Variants in PRR27 observed in about 807,000 individuals in gnomAD.
PRR27 encodes the protein proline-rich protein 27.
Under a neutral mutation model 16.8 loss-of-function variants are expected in PRR27, and 12 were observed. The ratio of observed to expected loss-of-function variants is 0.71; its 90% confidence interval spans 0.46 to 1.16. The LOEUF (loss-of-function observed/expected upper bound fraction) is 1.16. Among genes scored for constraint, PRR27 ranks in the 50% most tolerant of loss-of-function variants. PRR27 has a pLI of 0.00. For synonymous variants in PRR27, 100 were observed against 98.4 expected, an observed-to-expected ratio of 1.02 and a Z score of -0.10; for missense variants, 277 against 273.3, an observed-to-expected ratio of 1.01 and a Z score of -0.10.
At chr4:70,160,787 T>A (rs1051239334) in intron 3 of PRR27, among the ~76,000 whole-genome samples, 71 of 151,610 alleles carry the variant, frequency 4.7e-4, no homozygotes, top group African/African-American at 1.7e-3. Flanking sequence ...TAAATTTTAG[T>A]AGATATGACC....
chr4:70,156,410 C>T (rs933186555), intron 2 of PRR27, among the ~76,000 whole-genome samples: 5 of 152,136 alleles, frequency 3.3e-5, no homozygotes, highest in African/African-American at 1.2e-4. Context: ...TTTGAACAAA[C>T]TTAGTGATGA....
Position 70,165,464 on chromosome 4 carries a change from T to C in PRR27, c.*2803T>C, listed in dbSNP as rs1170836788. The C allele has an allele frequency of 1.3e-5, 2 of 152,114 alleles. No homozygotes were observed. Among genetic ancestry groups the C allele is most frequent in the African/African-American group, 4.8e-5 (2 of 41,448 alleles). 9.4% of individuals were successfully genotyped at this position (152,114 alleles called of 1,614,324 possible). On this transcript the variant is annotated 3_prime_UTR_variant, in exon 5 of 5. Transcript: ENST00000344526. ...ATGTCGCTTTATGAATCCACCTTCTTCCTTATCTGTAGAGTTAAAAACTAC... is the reference window on the plus strand; with the variant it reads ...ATGTCGCTTTATGAATCCACCTTCTCCCTTATCTGTAGAGTTAAAAACTAC...
rs1728734530 is a variant in PRR27 at position 70,164,993 on chromosome 4, A to T, written c.*2332A>T. ...ATACTGTGAAATGTTCTGCTCTGTC[A>T]GTTGTGAAAGTATGAAATTTAAGTC... On this transcript the variant is annotated 3_prime_UTR_variant, in exon 5 of 5. Transcript: ENST00000344526. 6.6e-6 allele frequency: 1 copy of T among 152,142 alleles called. No individual in the cohort carries two copies. Among genetic ancestry groups the T allele is most frequent in the South Asian group, 2.1e-4 (1 of 4,830 alleles). The allele number at this position is 152,142 out of a possible 1,614,324, so 9.4% of individuals were successfully genotyped here.
At chr4:70,160,982 T>G (rs1212313124) in intron 3 of PRR27, among the ~76,000 whole-genome samples, 1 of 151,724 alleles carries the variant, frequency 6.6e-6, no homozygotes, top group Admixed American at 6.6e-5. Context: ...TAAGAACTCT[T>G]TTTCTTTTAA....
At chr4:70,157,282 T>G (rs1467322811) in intron 2 of PRR27, among the ~76,000 whole-genome samples, 3 of 151,940 alleles carry the variant, frequency 2.0e-5, no homozygotes, top group Admixed American at 1.3e-4. Flanking sequence ...TGTTTTCCAG[T>G]ATGTAGGATC....
At chr4:70,158,282 G>T in intron 2 of PRR27, 46 bp from the exon 3 acceptor site, 1 of 1,122,162 alleles carries the variant, frequency 8.9e-7, no homozygotes, top group Non-Finnish European at 1.2e-6. Context: ...GTAATATATA[G>T]ACAGGACAAA....
intron 2 of PRR27, among the ~76,000 whole-genome samples, chr4:70,156,356 C>G (rs1728475134): frequency 6.6e-6 from 1 of 152,174 alleles, no homozygotes; most frequent in African/African-American, 2.4e-5. Context: ...CCAAGGTTTT[C>G]CCCTCATGCC....
rs1728545124 is a variant in PRR27 at position 70,158,461 on chromosome 4, C to T, written c.209C>T (p.Thr70Ile). 6.2e-7 allele frequency: 1 copy of T among 1,613,984 alleles called. No homozygotes were observed. Among genetic ancestry groups the T allele is most frequent in the Admixed American group, 1.7e-5 (1 of 60,008 alleles). The stretch of plus-strand genomic sequence containing the variant: ...TACCCTGGGAATACTTACACTGACA[C>T]AGGGTTACCTTCGTATCCCTGGATT... ...PSYPGNTYTD[T>I]GLPSYPWILT... is the part of the protein sequence containing the mutation. Residue 70 changes from threonine to isoleucine, a missense_variant, in exon 3 of 5, where the codon ACA (threonine) becomes ATA (isoleucine). Coordinates refer to ENST00000344526, the MANE Select transcript of PRR27 (RefSeq NM_214711.4).
rs1161834286 is a variant in PRR27 at position 70,163,743 on chromosome 4, G to T, written c.*1082G>T. ...ATTATTCAGATAAGATCTCTGAAAAGCCTCTGATACTTTCTCTTTTAAAAT... is the reference window on the plus strand; with the variant it reads ...ATTATTCAGATAAGATCTCTGAAAATCCTCTGATACTTTCTCTTTTAAAAT... On this transcript the variant is annotated 3_prime_UTR_variant, in exon 5 of 5. Coordinates refer to ENST00000344526, the MANE Select transcript of PRR27 (RefSeq NM_214711.4). The T allele has an allele frequency of 6.6e-6, 1 of 152,220 alleles. No individual in the cohort carries two copies. Among genetic ancestry groups the T allele is most frequent in the Non-Finnish European group, 1.5e-5 (1 of 68,024 alleles). The allele number at this position is 152,220 out of a possible 1,614,324, so 9.4% of individuals were successfully genotyped here. A position where few individuals can be genotyped will look rare whatever the true frequency, so the allele number is the denominator to read the frequency against.
chr4:70,155,530 G>A (rs1384369263), intron 1 of PRR27, among the ~76,000 whole-genome samples: 3 of 151,976 alleles, frequency 2.0e-5, no homozygotes, highest in Non-Finnish European at 4.4e-5. Context: ...CACCACGCCC[G>A]GCTAATTTTT....
At chr4:70,159,945 TTCAGGTAGTTCTCTACCTGACC>T (rs1401679598) in intron 3 of PRR27, among the ~76,000 whole-genome samples, 2 of 152,162 alleles carry the variant, frequency 1.3e-5, no homozygotes, top group Non-Finnish European at 2.9e-5. Context: ...ATTCTGTCCT[TTCAGGTAGTTCTCTACCTGACC>T]TCAGGTCATA....
In PRR27 at chr4:70,157,659, C is replaced by T. The variant is rs1199631650; in HGVS notation, c.76-669C>T. Among the ~76,000 whole-genome samples, 3 of 152,140 alleles carry T rather than the reference C, an allele frequency of 2.0e-5. No homozygotes were observed. In the East Asian group the frequency reaches 5.8e-4, roughly 29 times the overall value. ...TCTGCCTCCCAAGTAGCTGGGACTA[C>T]AGGCGCCCGCCACCACGCCCAGCCA... On this transcript the variant is annotated intron_variant, in intron 2 of 4. Transcript: ENST00000344526.
At chr4:70,156,705 C>T (rs867603370) in intron 2 of PRR27, among the ~76,000 whole-genome samples, 1 of 152,156 alleles carries the variant, frequency 6.6e-6, no homozygotes, top group Admixed American at 6.5e-5. Context: ...TTACACCTAT[C>T]CACCAGTATG....
intron 3 of PRR27, among the ~76,000 whole-genome samples, chr4:70,160,409 T>TTCTCTCTCTCTCTC (rs149182032): frequency 7.5e-5 from 8 of 106,162 alleles, no homozygotes; most frequent in South Asian, 4.3e-4. Context: ...TTCTGGGACT[T>TTCTCTCTCTCTCTC]TCTCTCTCTC....
chr4:70,162,019 C>G (rs1728661172), intron 4 of PRR27, among the ~76,000 whole-genome samples: 1 of 152,028 alleles, frequency 6.6e-6, no homozygotes, highest in Admixed American at 6.6e-5. Flanking sequence ...ACCATCCTAC[C>G]CCATATTAAG....
At chr4:70,159,241 G>T (rs149336305) in intron 3 of PRR27, among the ~76,000 whole-genome samples, 2,519 of 152,162 alleles carry the variant, frequency 0.017, 60 homozygotes, top group African/African-American at 0.05. Context: ...AGAATTTTAC[G>T]TAAGTGGAAT....
At chr4:70,160,443 C>CTCTCTGTGTGTGTGTGTGTGTGTGTGTG (rs1298386504) in intron 3 of PRR27, among the ~76,000 whole-genome samples, 2 of 68,700 alleles carry the variant, frequency 2.9e-5, no homozygotes, top group African/African-American at 9.8e-5. Flanking sequence ...CTCTCTCTCT[C>CTCTCTGTGTGTGTGTGTGTGTGTGTGTG]TGTGTGTGTG....
intron 1 of PRR27, 92 bp from the exon 2 acceptor site, chr4:70,155,962 T>G (rs987279322): frequency 5.1e-6 from 4 of 788,092 alleles, no homozygotes; most frequent in Non-Finnish European, 8.2e-6. Flanking sequence ...TAAGTATTAT[T>G]AAGCTTTGCA....
chr4:70,165,712 C>A lies in PRR27; in HGVS notation c.*3051C>A, dbSNP rs188618053. The A allele has an allele frequency of 6.6e-6, 1 of 151,992 alleles. No individual in the cohort carries two copies. The highest frequency in any genetic ancestry group is 2.1e-4 in the South Asian group (1 of 4,834). 9.4% of individuals were successfully genotyped at this position (151,992 alleles called of 1,614,324 possible). A position where few individuals can be genotyped will look rare whatever the true frequency, so the allele number is the denominator to read the frequency against. On this transcript the variant is annotated 3_prime_UTR_variant, in exon 5 of 5. Coordinates refer to ENST00000344526, the MANE Select transcript of PRR27 (RefSeq NM_214711.4). ...TCTTACATAATTCTTTACTGTATAGCGTTCCCTTTAGCCACTGGAAAATGA... is the reference window on the plus strand; with the variant it reads ...TCTTACATAATTCTTTACTGTATAGAGTTCCCTTTAGCCACTGGAAAATGA...
Sources: gnomAD v4.1 joint callset for allele counts (sites outside exome capture counted in the v4.1 genomes callset) on GRCh38, gnomAD v4.1.1 for gene constraint, MANE v1.5 for transcripts, NCBI Gene and HGNC (gene_info 2026-07-23, HGNC 2026-07-21) for gene names.